NDUFAF6: variants seen among roughly 807,000 people sequenced by gnomAD.
NDUFAF6 encodes NADH:ubiquinone oxidoreductase complex assembly factor 6.
NDUFAF6 carries 45 observed loss-of-function variants against 40.8 expected under a neutral mutation model. The ratio of observed to expected loss-of-function variants is 1.10; its 90% CI spans 0.87 to 1.42. The LOEUF is 1.42. NDUFAF6 is among the 40% of genes most tolerant of loss of function. The pLI is 0.00. For synonymous variants in NDUFAF6, 185 were observed against 155.9 expected (o/e 1.19, Z -1.39); for missense variants, 435 against 418.5 (o/e 1.04, Z -0.34).
chr8:94,949,196 C>T (rs1203583130), intron 2 of NDUFAF6: 11 of 150,788 alleles, frequency 7.3e-5, no homozygotes, highest in African/African-American at 2.4e-4. Flanking sequence ...AGGGAGCGGC[C>T]GCCGGCTCGG....
intron 2 of NDUFAF6, among the ~76,000 whole-genome samples, chr8:95,083,790 C>T (rs558241331): frequency 3.3e-5 from 5 of 152,230 alleles, no homozygotes; most frequent in African/African-American, 1.2e-4. Context: ...TAATGTAATA[C>T]GAAAATATCT....
At chr8:95,000,660 G>T (rs926782306) in intron 2 of NDUFAF6, among the ~76,000 whole-genome samples, 2 of 151,752 alleles carry the variant, frequency 1.3e-5, no homozygotes, top group African/African-American at 4.8e-5. Context: ...TTCTGGCTGG[G>T]CGTCGTGGCT....
intron 1 of NDUFAF6, among the ~76,000 whole-genome samples, chr8:94,980,225 A>G (rs73274775): frequency 4.7e-4 from 71 of 150,174 alleles, no homozygotes; most frequent in African/African-American, 1.5e-3. Flanking sequence ...ATATATATAT[A>G]TATTTTAAAA....
chr8:94,991,616 TTTTG>T (rs1826195275), intron 2 of NDUFAF6, among the ~76,000 whole-genome samples: 1 of 152,216 alleles, frequency 6.6e-6, no homozygotes, highest in Non-Finnish European at 1.5e-5. Context: ...CTCTAGATAA[TTTTG>T]TTTCTTATCA....
At chr8:94,914,789 C>T (rs1344596833) in intron 1 of NDUFAF6, among the ~76,000 whole-genome samples, 2 of 150,564 alleles carry the variant, frequency 1.3e-5, no homozygotes, top group Non-Finnish European at 2.9e-5. Flanking sequence ...TGGTGATGCG[C>T]ACCTGTAATC....
chr8:95,094,093 C>T (rs1809358170), intron 2 of NDUFAF6, among the ~76,000 whole-genome samples: 1 of 152,188 alleles, frequency 6.6e-6, no homozygotes, highest in African/African-American at 2.4e-5. Context: ...GCCTCAGCCT[C>T]CCTAGAAGCT....
chr8:95,063,758 C>T (rs563567477), intron 9 of NDUFAF6, among the ~76,000 whole-genome samples: 25 of 152,160 alleles, frequency 1.6e-4, no homozygotes, highest in Non-Finnish European at 3.2e-4. Context: ...GGAGTAAGTT[C>T]AAGAGCTTTT....
chr8:95,065,759 AG>A (rs1209463678), intron 9 of NDUFAF6, among the ~76,000 whole-genome samples: 2 of 152,190 alleles, frequency 1.3e-5, no homozygotes, highest in African/African-American at 4.8e-5. Flanking sequence ...AAGGATTTTT[AG>A]GGTGGGATAG....
intron 2 of NDUFAF6, among the ~76,000 whole-genome samples, chr8:94,985,505 A>T (rs1586904013): frequency 4.3e-4 from 3 of 7,046 alleles, no homozygotes; most frequent in African/African-American, 7.3e-4. Context: ...ATATATATAT[A>T]TATATATATA....
At chr8:95,006,831 C>T (rs1236649755) in intron 2 of NDUFAF6, among the ~76,000 whole-genome samples, 1 of 151,908 alleles carries the variant, frequency 6.6e-6, no homozygotes, top group Admixed American at 6.6e-5. Context: ...TGCAATGAGC[C>T]GAGATCATGC....
chr8:94,985,515 ATTTTTTTTTTTT>A (rs1200345448), intron 2 of NDUFAF6, among the ~76,000 whole-genome samples: 4 of 6,598 alleles, frequency 6.1e-4, no homozygotes, highest in Non-Finnish European at 6.7e-4. Context: ...ATATATATAT[ATTTTTTTTTTTT>A]TTTTTTTTTT....
intron 1 of NDUFAF6, among the ~76,000 whole-genome samples, chr8:94,903,080 C>T (rs1464806883): frequency 6.6e-6 from 1 of 151,986 alleles, no homozygotes; most frequent in Admixed American, 6.6e-5. Flanking sequence ...ATTTTGAGAA[C>T]TAATAGGGGC....
downstream of NDUFAF6, among the ~76,000 whole-genome samples, chr8:95,060,842 A>G (rs764023013): frequency 1.3e-5 from 2 of 152,214 alleles, no homozygotes; most frequent in Non-Finnish European, 2.9e-5. Flanking sequence ...AAATTAGGTT[A>G]AAAAAGGTAA....
chr8:94,970,480 G>T (rs2131528759), intron 1 of NDUFAF6, among the ~76,000 whole-genome samples: 1 of 151,880 alleles, frequency 6.6e-6, no homozygotes, highest in African/African-American at 2.4e-5. Context: ...AATCCCAGTG[G>T]CTCAGGAGGC....
intron 1 of NDUFAF6, among the ~76,000 whole-genome samples, chr8:94,905,045 TAAC>T (rs1818302341): frequency 6.6e-6 from 1 of 151,730 alleles, no homozygotes; most frequent in Non-Finnish European, 1.5e-5. Flanking sequence ...ACTAAAAACA[TAAC>T]AATTATCTGG....
intron 3 of NDUFAF6, 48 bp downstream of exon 3, chr8:95,035,624 GTCTAC>G: frequency 6.4e-7 from 1 of 1,568,974 alleles, no homozygotes; most frequent in Non-Finnish European, 8.7e-7. Flanking sequence ...TATTATTCGA[GTCTAC>G]TTTTTGATGG....
At chr8:95,067,645 A>G (rs182340499) in intron 9 of NDUFAF6, 3 of 152,124 alleles carry the variant, frequency 2.0e-5, no homozygotes, top group Admixed American at 2.0e-4. Flanking sequence ...GATTCCCACT[A>G]GACCTCGTTA....
chr8:95,045,480 C>T (rs991301263), intron 4 of NDUFAF6, 65 bp from the exon 5 acceptor site: 4 of 1,153,344 alleles, frequency 3.5e-6, no homozygotes, highest in Non-Finnish European at 2.6e-6. Context: ...GGGCAAAAAA[C>T]AGCACCTTTT....
intron 2 of NDUFAF6, among the ~76,000 whole-genome samples, chr8:95,090,467 C>T (rs1400582978): frequency 2.6e-5 from 4 of 152,172 alleles, no homozygotes. Context: ...TGACATTTCT[C>T]CTTTCTTGGA....
Sources: gnomAD v4.1 joint callset for allele counts (sites outside exome capture counted in the v4.1 genomes callset) on GRCh38, gnomAD v4.1.1 for gene constraint, MANE v1.5 for transcripts, NCBI Gene and HGNC (gene_info 2026-07-23, HGNC 2026-07-21) for gene names.